TESK2: variants seen among roughly 807,000 people sequenced by gnomAD.
The protein encoded by TESK2 is dual specificity testis-specific protein kinase 2.
In TESK2, 39 loss-of-function variants were observed where a neutral mutation model predicts 57.1. The ratio of observed to expected loss-of-function variants is 0.68; its 90% CI spans 0.53 to 0.89. TESK2 has a LOEUF of 0.89. TESK2 is among the 40% of genes least tolerant of loss of function. TESK2 has a pLI of 0.00. For missense variants in TESK2, 646 were observed against 732.1 expected, an observed-to-expected ratio of 0.88 and a Z score of 1.36; for synonymous variants, 249 against 267.9, an observed-to-expected ratio of 0.93 and a Z score of 0.69.
chr1:45,417,660 C>T (rs565316506), intron 3 of TESK2, among the ~76,000 whole-genome samples: 3 of 151,696 alleles, frequency 2.0e-5, no homozygotes, highest in African/African-American at 7.3e-5. Flanking sequence ...GGCGCGATCT[C>T]GGCTCACTGC....
intron 4 of TESK2, among the ~76,000 whole-genome samples, chr1:45,357,235 A>G (rs1240130957): frequency 7.2e-6 from 1 of 138,270 alleles, no homozygotes; most frequent in Non-Finnish European, 1.6e-5. Flanking sequence ...ATAAATAAAT[A>G]AATAAATGTA....
At chr1:45,474,918 A>G (rs1231147415) in intron 1 of TESK2, among the ~76,000 whole-genome samples, 2 of 151,872 alleles carry the variant, frequency 1.3e-5, no homozygotes, top group Non-Finnish European at 2.9e-5. Flanking sequence ...GTAAAGCACT[A>G]GGTGAATTTA....
chr1:45,456,231 A>G (rs1652083493), intron 2 of TESK2, among the ~76,000 whole-genome samples: 1 of 151,906 alleles, frequency 6.6e-6, no homozygotes, highest in African/African-American at 2.4e-5. Context: ...ATAATAGAAT[A>G]AAATAGGTTG....
At chr1:45,365,537 T>C (rs1021522720) in intron 4 of TESK2, among the ~76,000 whole-genome samples, 60 of 152,088 alleles carry the variant, frequency 3.9e-4, no homozygotes, top group South Asian at 6.2e-4. Context: ...TATTTTGAGA[T>C]AAAGTTTCCC....
At chr1:45,421,522 G>A (rs1307398436) in intron 3 of TESK2, among the ~76,000 whole-genome samples, 1 of 152,120 alleles carries the variant, frequency 6.6e-6, no homozygotes, top group Non-Finnish European at 1.5e-5. Context: ...AGAGATAAAG[G>A]AAGTTGCTTT....
chr1:45,420,573 T>C (rs1180435173), intron 3 of TESK2, among the ~76,000 whole-genome samples: 1 of 148,934 alleles, frequency 6.7e-6, no homozygotes, highest in East Asian at 2.0e-4. Flanking sequence ...AATTTTTTTT[T>C]TTTTTTTTTT....
In TESK2 at chr1:45,457,561, C is replaced by G. The variant is rs964834484; in HGVS notation, c.222+3G>C. The G allele has an allele frequency of 2.5e-6, 4 of 1,613,034 alleles. No individual in the cohort carries two copies. The highest frequency in any genetic ancestry group is 3.3e-5 in the Admixed American group (2 of 59,960). On this transcript the variant is annotated splice_donor_region_variant and intron_variant, in intron 2 of 10. Coordinates refer to ENST00000372086, the MANE Select transcript of TESK2 (RefSeq NM_007170.3). ...ATATGAGAAAAGCTGAAGACTCACT[C>G]ACCTTGAACACTTCAGAAAAGAAGC...
intron 3 of TESK2, among the ~76,000 whole-genome samples, chr1:45,408,610 A>G (rs568245943): frequency 1.3e-5 from 2 of 152,300 alleles, no homozygotes; most frequent in East Asian, 3.9e-4. Flanking sequence ...CCAAAGCCAA[A>G]TACTTCTGAG....
intron 3 of TESK2, chr1:45,414,010 T>C (rs572316102): frequency 2.9e-6 from 1 of 344,238 alleles, no homozygotes; most frequent in East Asian, 7.4e-5. Context: ...AAATACAAAT[T>C]CTAAGAACCT....
intron 2 of TESK2, among the ~76,000 whole-genome samples, chr1:45,426,451 T>G (rs1313840185): frequency 6.6e-6 from 1 of 152,212 alleles, no homozygotes; most frequent in Non-Finnish European, 1.5e-5. Context: ...TGCAAAAATC[T>G]AATCAAAATG....
chr1:45,400,443 A>C (rs1649552602), intron 3 of TESK2, among the ~76,000 whole-genome samples: 1 of 152,200 alleles, frequency 6.6e-6, no homozygotes, highest in Non-Finnish European at 1.5e-5. Context: ...TAAGCTACTA[A>C]GTTTGTGGTA....
At position 45,388,717 on chromosome 1, in the gene TESK2, CT is replaced by C. The variant is rs34109075; in HGVS notation, c.345-2758del. ...AACGTGGCAGTATTGAGAGGTACGG[CT>C]TTTTTTTTTTTTTTTTTTTTGAGAC... is the stretch of plus-strand genomic sequence containing the variant. On this transcript the variant is annotated intron_variant, in intron 3 of 10. Coordinates refer to ENST00000372086, the MANE Select transcript of TESK2 (RefSeq NM_007170.3). 1.0e-2 allele frequency among the ~76,000 whole-genome samples: 1,022 copies of C among 102,712 alleles called. 4 individuals carry two copies. The highest frequency in any genetic ancestry group is 0.033 in the African/African-American group (917 of 27,990). The allele number at this position is 102,712 out of a possible 152,430, so 67.4% of individuals were successfully genotyped here.
chr1:45,377,420 ATTT>A (rs752265198), intron 4 of TESK2, among the ~76,000 whole-genome samples: 5 of 134,692 alleles, frequency 3.7e-5, no homozygotes, highest in Non-Finnish European at 3.2e-5. Flanking sequence ...GAGAACAAGG[ATTT>A]TTTTTTTTTT....
At chr1:45,405,616 AC>A (rs1349319263) in intron 3 of TESK2, among the ~76,000 whole-genome samples, 1 of 150,712 alleles carries the variant, frequency 6.6e-6, no homozygotes, top group African/African-American at 2.4e-5. Flanking sequence ...ACGTGGTGAA[AC>A]CCCATCTCTA....
chr1:45,398,666 C>G (rs990538132), intron 3 of TESK2: 1 of 188,588 alleles, frequency 5.3e-6, no homozygotes, highest in Non-Finnish European at 1.1e-5. Context: ...TTTTTGAGGG[C>G]AGGGATCCTG....
At chr1:45,398,941 C>A in intron 3 of TESK2, 1 of 418,454 alleles carries the variant, frequency 2.4e-6, no homozygotes, top group Non-Finnish European at 4.6e-6. Flanking sequence ...TGAAAATGAG[C>A]TCTCCTTCCA....
chr1:45,350,917 G>T (rs1376128549), intron 5 of TESK2, among the ~76,000 whole-genome samples: 2 of 152,210 alleles, frequency 1.3e-5, no homozygotes, highest in Non-Finnish European at 2.9e-5. Flanking sequence ...ATTCAACGTT[G>T]TTCCTAATTC....
chr1:45,476,770 A>C (rs1016549302), intron 1 of TESK2, among the ~76,000 whole-genome samples: 7 of 151,650 alleles, frequency 4.6e-5, no homozygotes, highest in Non-Finnish European at 7.4e-5. Flanking sequence ...TTGCTTGAAC[A>C]TGGGAGGTGG....
At chr1:45,422,709 G>T (rs1166179837) in intron 2 of TESK2, among the ~76,000 whole-genome samples, 2 of 149,442 alleles carry the variant, frequency 1.3e-5, no homozygotes, top group Non-Finnish European at 3.0e-5. Context: ...CTCCCAAAAT[G>T]CTGGGATTAC....
Sources: gnomAD v4.1 joint callset for allele counts (sites outside exome capture counted in the v4.1 genomes callset) on GRCh38, gnomAD v4.1.1 for gene constraint, MANE v1.5 for transcripts, NCBI Gene and HGNC (gene_info 2026-07-23, HGNC 2026-07-21) for gene names.